XRCC3: variants seen among roughly 807,000 people sequenced by gnomAD.
The protein encoded by XRCC3 is X-ray repair cross complementing 3.
Under a neutral mutation model 29.2 loss-of-function variants are expected in XRCC3, and 34 were observed. The ratio of observed to expected loss-of-function variants is 1.16; its 90% CI spans 0.88 to 1.55. The LOEUF (loss-of-function observed/expected upper bound fraction) is 1.55, where lower values mean the gene tolerates loss of function less well. Ranked by LOEUF, XRCC3 falls within the 40% of genes most tolerant of loss-of-function variation. XRCC3 has a pLI of 0.00. For synonymous variants in XRCC3, 223 were observed against 211.3 expected, an observed-to-expected ratio of 1.06 and a Z score of -0.48; for missense variants, 463 against 467.6, an observed-to-expected ratio of 0.99 and a Z score of 0.09.
chr14:103,702,901 G>T, intron 7 of XRCC3: 1 of 498,358 alleles, frequency 2.0e-6, no homozygotes, highest in Non-Finnish European at 3.6e-6. Flanking sequence ...GTCCCCAGAG[G>T]CCGTCTGATC....
rs1201690963 is a variant in XRCC3 at position 103,699,149 on chromosome 14, C to G, written c.805G>C (p.Ala269Pro). 1 of 1,571,004 alleles carries G rather than the reference C, an allele frequency of 6.4e-7. No homozygotes were observed. The highest frequency in any genetic ancestry group is 8.6e-7 in the Non-Finnish European group (1 of 1,160,700). The change falls in exon 9 of 10, where the codon GCA becomes CCA. Residue 269 changes from alanine to proline, a missense_variant. Coordinates refer to ENST00000555055, the MANE Select transcript of XRCC3 (RefSeq NM_005432.4). ...TGCACTCACCCCAGCGGCCCGTGTG[C>G]TGCGCCCTGCTCCTCCATGGCCTCT... ...VTEAMEEQGA[A>P]HGPLGFWDER...
rs751959603 is a variant in XRCC3 at position 103,699,180 on chromosome 14, C to T, written c.775-1G>A. On this transcript the variant is annotated splice_acceptor_variant, in intron 8 of 9. Coordinates refer to ENST00000555055, the MANE Select transcript of XRCC3 (RefSeq NM_005432.4). LOFTEE classifies it high-confidence loss of function. Reference sequence around the variant, plus strand: ...CCTGCTCCTCCATGGCCTCTGTCACCTGGAAGAGCACAGTCCAGGTCAGCT... The same window carrying T: ...CCTGCTCCTCCATGGCCTCTGTCACTTGGAAGAGCACAGTCCAGGTCAGCT... The T allele has an allele frequency of 7.0e-6, 11 of 1,562,474 alleles. No individual in the cohort carries two copies. In the South Asian group the frequency reaches 1.3e-4, roughly 18 times the overall value.
chr14:103,706,675 C>G, intron 6 of XRCC3: 1 of 427,696 alleles, frequency 2.3e-6, no homozygotes, highest in East Asian at 5.0e-5. Flanking sequence ...GTTGCTGGCT[C>G]TGTGGACTCT....
At chr14:103,705,055 AAAG>A (rs758442452) in intron 6 of XRCC3, 1 of 152,210 alleles carries the variant, frequency 6.6e-6, no homozygotes, top group Non-Finnish European at 1.5e-5. Flanking sequence ...TTTCAAACGT[AAAG>A]AAGAGTTGCA....
At chr14:103,706,580 A>G (rs1307231721) in intron 6 of XRCC3, 2 of 379,008 alleles carry the variant, frequency 5.3e-6, no homozygotes, top group East Asian at 7.0e-5. Context: ...TCACAGACAG[A>G]GCGTACAGGC....
At chr14:103,703,094 T>C (rs2083290944) in intron 7 of XRCC3, 79 bp downstream of exon 7, 6 of 1,535,192 alleles carry the variant, frequency 3.9e-6, no homozygotes, top group Admixed American at 2.0e-5. Context: ...TGAGACCCCA[T>C]TGCCGTGGTG....
intron 4 of XRCC3, chr14:103,710,568 GTC>G (rs1184291410): frequency 1.2e-5 from 2 of 162,258 alleles, no homozygotes. Flanking sequence ...GTGAAACCCT[GTC>G]TCTACTAAAT....
At chr14:103,707,344 G>C (rs545161347) in intron 5 of XRCC3, 129 bp from the exon 6 acceptor site, 1 of 1,195,164 alleles carries the variant, frequency 8.4e-7, no homozygotes, top group East Asian at 2.5e-5. Context: ...CTGCGGTCAT[G>C]GGGGTGAGCA....
At chr14:103,706,873 G>A (rs932161350) in intron 6 of XRCC3, 130 bp downstream of exon 6, 8 of 1,053,868 alleles carry the variant, frequency 7.6e-6, no homozygotes, top group African/African-American at 1.6e-5. Flanking sequence ...CAATCAGGGT[G>A]AGAAGGAGGG....
Position 103,698,573 on chromosome 14 carries a change from C to T in XRCC3, c.*225G>A, listed in dbSNP as rs935748189. 5 of 582,826 alleles carry T rather than the reference C, an allele frequency of 8.6e-6. No homozygotes were observed. The highest frequency in any genetic ancestry group is 1.5e-5 in the Non-Finnish European group (5 of 325,690). 36.1% of individuals were successfully genotyped at this position (582,826 alleles called of 1,614,324 possible). On this transcript the variant is annotated 3_prime_UTR_variant, in exon 10 of 10. Transcript: ENST00000555055. The stretch of plus-strand genomic sequence containing the variant: ...CAGTGGGGACCAGGTACCCAGCAAG[C>T]GGGCCTGTCCCCAGACCCAGGGAGA...
At chr14:103,708,481 G>C (rs752386460) in intron 5 of XRCC3, 41 bp downstream of exon 5, 2 of 1,612,134 alleles carry the variant, frequency 1.2e-6, no homozygotes, top group South Asian at 2.2e-5. Context: ...TGATGCTGGA[G>C]CCACATGTCA....
intron 7 of XRCC3, chr14:103,702,827 T>C (rs2083278425): frequency 3.0e-6 from 1 of 330,402 alleles, no homozygotes; most frequent in Non-Finnish European, 5.9e-6. Flanking sequence ...CTGCTGAGAT[T>C]GTAGCAGGAC....
intron 6 of XRCC3, chr14:103,706,766 C>A: frequency 1.7e-6 from 1 of 582,754 alleles, no homozygotes; most frequent in Non-Finnish European, 3.1e-6. Context: ...CTGCTGAGGG[C>A]CGGCTGCCTG....
At position 103,698,957 on chromosome 14, in the gene XRCC3, C is replaced by T; in HGVS notation, c.882G>A (p.Val294=). 1.2e-6 allele frequency: 2 copies of T among 1,601,180 alleles called. No homozygotes were observed. The highest frequency in any genetic ancestry group is 1.7e-6 in the Non-Finnish European group (2 of 1,174,122). The change falls in exon 10 of 10, where the codon GTG becomes GTA. Residue 294 remains valine (V), a synonymous_variant. Coordinates refer to ENST00000555055, the MANE Select transcript of XRCC3 (RefSeq NM_005432.4). ...CGCGGAGCCGGTCAGCCAGCAGTCT[C>T]ACCAGGAGCTGGTTAGCCCAGGTTA... ...LGITWANQLL[V]RLLADRLREE...
chr14:103,708,631 T>TA lies in XRCC3; in HGVS notation c.83dup (p.Leu28PhefsTer77). The TA allele has an allele frequency of 6.2e-7, 1 of 1,614,168 alleles. No homozygotes were observed. The highest frequency in any genetic ancestry group is 8.5e-7 in the Non-Finnish European group (1 of 1,180,024). Reference sequence around the variant, plus strand: ...TCTTCAAGTCTGGTCCAGAAAAGTGTAAAACCTCCTTTACCGATTTCAGTT... The same window carrying TA: ...TCTTCAAGTCTGGTCCAGAAAAGTGTAAAAACCTCCTTTACCGATTTCAGTT... On this transcript the variant is annotated frameshift_variant, in exon 5 of 10. Coordinates refer to ENST00000555055, the MANE Select transcript of XRCC3 (RefSeq NM_005432.4). LOFTEE classifies it high-confidence loss of function.
intron 1 of XRCC3, chr14:103,713,340 C>T (rs1217819811): frequency 6.6e-6 from 1 of 152,390 alleles, no homozygotes; most frequent in African/African-American, 2.4e-5. Context: ...CAGACACTGG[C>T]CTGGGAGCTC....
intron 5 of XRCC3, 34 bp from the exon 6 acceptor site, chr14:103,707,249 C>T: frequency 3.2e-6 from 5 of 1,546,924 alleles, no homozygotes; most frequent in Non-Finnish European, 4.4e-6. Context: ...GCCTGACTCT[C>T]CTGGGCCTGC....
At position 103,699,534 on chromosome 14, in the gene XRCC3, G is replaced by C; in HGVS notation, c.604C>G (p.Leu202Val). 6.2e-7 allele frequency: 1 copy of C among 1,613,542 alleles called. No homozygotes were observed. The highest frequency in any genetic ancestry group is 8.5e-7 in the Non-Finnish European group (1 of 1,179,978). The stretch of plus-strand genomic sequence containing the variant: ...ACCAGGCGAGCCATGCCCCGAGACA[G>C]CAGTACGGGGACCTTCTTATTCACA... ...ECVNKKVPVL[L>V]SRGMARLVVI... The change falls in exon 8 of 10, where the codon CTG (leucine) becomes GTG (valine). Residue 202 changes from leucine (L) to valine (V), a missense_variant. By Grantham distance (32) the Leu-to-Val change is conservative. Transcript: ENST00000555055.
In XRCC3 at chr14:103,708,543, G is replaced by C. The variant is rs143410843; in HGVS notation, c.172C>G (p.Arg58Gly). 6 of 1,614,138 alleles carry C rather than the reference G, an allele frequency of 3.7e-6. No individual in the cohort carries two copies. In the Admixed American group the frequency reaches 8.3e-5, roughly 22 times the overall value. Residue 58 changes from arginine (R) to glycine (G), a missense_variant, in exon 5 of 10, where the codon CGG becomes GGG. By Grantham distance (125) the Arg-to-Gly change is moderately radical. Transcript: ENST00000555055. ...CTACCTGTAAGGATGCTGCTTCCCC[G>C]CAAGTGTAAGGAGGCCGTTCTCAGC... is the stretch of plus-strand genomic sequence containing the variant. ...HLLRTASLHL[R>G]GSSILTALQL... is the part of the protein sequence containing the mutation.
Sources: gnomAD v4.1 joint callset for allele counts on GRCh38, gnomAD v4.1.1 for gene constraint, MANE v1.5 for transcripts, NCBI Gene and HGNC (gene_info 2026-07-23, HGNC 2026-07-21) for gene names.